Variants in CADM2 observed in about 807,000 individuals in gnomAD.
The protein encoded by CADM2 is cell adhesion molecule 2, also known as immunoglobulin superfamily member 4D.
A neutral mutation model predicts 49.8 loss-of-function variants in CADM2; 12 were observed. The observed-to-expected ratio is 0.24, with a 90% CI of 0.15 to 0.39. The LOEUF is 0.39. CADM2 is among the 10% of genes least tolerant of loss of function. The pLI is 1.00. For synonymous variants in CADM2, 214 were observed against 175.4 expected, an observed-to-expected ratio of 1.22 and a Z score of -1.74; for missense variants, 378 against 492.3, an observed-to-expected ratio of 0.77 and a Z score of 2.20.
intron 1 of CADM2, among the ~76,000 whole-genome samples, chr3:85,081,013 T>C (rs1029738461): frequency 6.6e-6 from 1 of 152,154 alleles, no homozygotes; most frequent in Non-Finnish European, 1.5e-5. Context: ...GGAATCTGAG[T>C]CAGTACCCAC....
At chr3:85,486,312 A>G (rs951851354) in intron 1 of CADM2, among the ~76,000 whole-genome samples, 1 of 74,942 alleles carries the variant, frequency 1.3e-5, no homozygotes, top group African/African-American at 3.2e-5. Context: ...GGGGAACAAT[A>G]GAAATAGAAA....
chr3:85,759,194 A>AT (rs2069257950), intron 2 of CADM2, among the ~76,000 whole-genome samples: 1 of 152,042 alleles, frequency 6.6e-6, no homozygotes, highest in Admixed American at 6.6e-5. Context: ...CTTACCAGAG[A>AT]ATAAAAGACA....
Position 85,585,191 on chromosome 3 carries a change from T to C in CADM2, c.62-141331T>C, listed in dbSNP as rs540870077. ...TCTGTTGAAACCACCTGGCCATAAG[T>C]CACTCAGTAGCTGTCTTGTTATCAG... On this transcript the variant is annotated intron_variant, in intron 1 of 9. Coordinates refer to ENST00000383699, the MANE Select transcript of CADM2 (RefSeq NM_001167675.2). 5.1e-4 allele frequency among the ~76,000 whole-genome samples: 77 copies of C among 152,058 alleles called. 1 individual carries two copies. The highest frequency in any genetic ancestry group is 1.7e-3 in the African/African-American group (70 of 41,506).
chr3:86,035,307 T>G (rs1407391735), intron 8 of CADM2, among the ~76,000 whole-genome samples: 1 of 150,578 alleles, frequency 6.6e-6, no homozygotes, highest in Non-Finnish European at 1.5e-5. Flanking sequence ...AGTATTCTAT[T>G]TCTCCTTTTC....
intron 9 of CADM2, among the ~76,000 whole-genome samples, chr3:86,066,332 CAAAAAAAAAAAAA>C (rs10663610): frequency 3.3e-5 from 1 of 30,360 alleles, no homozygotes; most frequent in South Asian, 2.4e-3. Flanking sequence ...GACTCCGTCT[CAAAAAAAAAAAAA>C]AAAAAAAAAA....
At chr3:85,321,004 A>G (rs373404366) in intron 1 of CADM2, among the ~76,000 whole-genome samples, 387 of 148,408 alleles carry the variant, frequency 2.6e-3, no homozygotes, top group African/African-American at 8.2e-3. Context: ...AAGTTGTAAG[A>G]TGATAAGACA....
At chr3:85,954,133 C>T (rs1265374289) in intron 7 of CADM2, among the ~76,000 whole-genome samples, 1 of 150,470 alleles carries the variant, frequency 6.6e-6, no homozygotes, top group African/African-American at 2.4e-5. Context: ...AAATCAATAC[C>T]AAGAATAAAA....
chr3:84,971,595 CTAATT>C (rs66579362), intron 1 of CADM2, among the ~76,000 whole-genome samples: 52,536 of 151,414 alleles, frequency 0.35, 9,274 homozygotes, highest in Non-Finnish European at 0.37. Flanking sequence ...GTGGAAGTCA[CTAATT>C]TATTTTAAAC....
At chr3:85,142,303 A>T (rs2107630038) in intron 1 of CADM2, among the ~76,000 whole-genome samples, 1 of 152,322 alleles carries the variant, frequency 6.6e-6, no homozygotes. Flanking sequence ...ATAGTTTTCT[A>T]ATCAAATTAA....
chr3:85,799,541 G>A (rs940834641), intron 2 of CADM2, among the ~76,000 whole-genome samples: 1 of 152,158 alleles, frequency 6.6e-6, no homozygotes, highest in Non-Finnish European at 1.5e-5. Flanking sequence ...TGTGGTTTTT[G>A]TCATTGGTTC....
intron 1 of CADM2, among the ~76,000 whole-genome samples, chr3:85,540,952 G>T (rs1341838557): frequency 6.6e-6 from 1 of 151,842 alleles, no homozygotes; most frequent in Non-Finnish European, 1.5e-5. Context: ...TTGCCGTATT[G>T]GATCAGGGTC....
chr3:85,383,383 A>C (rs1336002959), intron 1 of CADM2, among the ~76,000 whole-genome samples: 2 of 152,000 alleles, frequency 1.3e-5, no homozygotes, highest in South Asian at 2.1e-4. Flanking sequence ...GAAATTAGAT[A>C]ATTTCATTAG....
At chr3:85,135,535 T>C (rs2039391213) in intron 1 of CADM2, among the ~76,000 whole-genome samples, 1 of 152,094 alleles carries the variant, frequency 6.6e-6, no homozygotes, top group Non-Finnish European at 1.5e-5. Context: ...ATAGTACTCA[T>C]CATTGTAATC....
chr3:85,146,724 T>C (rs188387809), intron 1 of CADM2, among the ~76,000 whole-genome samples: 1 of 152,306 alleles, frequency 6.6e-6, no homozygotes, highest in East Asian at 1.9e-4. Flanking sequence ...AGACAGCCTA[T>C]GTGGGATTTT....
chr3:85,309,463 A>G (rs1374942349), intron 1 of CADM2, among the ~76,000 whole-genome samples: 7 of 152,134 alleles, frequency 4.6e-5, no homozygotes. Context: ...GAAAATGGAC[A>G]TGATGTGAAA....
At chr3:85,015,468 C>T (rs2034212072) in intron 1 of CADM2, among the ~76,000 whole-genome samples, 1 of 152,136 alleles carries the variant, frequency 6.6e-6, no homozygotes, top group Admixed American at 6.6e-5. Context: ...GACAGTTTGG[C>T]AATTCAATTG....
intron 1 of CADM2, among the ~76,000 whole-genome samples, chr3:85,358,444 G>A (rs2032056162): frequency 6.6e-6 from 1 of 152,096 alleles, no homozygotes; most frequent in South Asian, 2.1e-4. Flanking sequence ...CAAGTAGCCT[G>A]TGGCTCAGAG....
At chr3:85,147,603 A>G (rs1398859954) in intron 1 of CADM2, among the ~76,000 whole-genome samples, 2 of 152,134 alleles carry the variant, frequency 1.3e-5, no homozygotes, top group African/African-American at 2.4e-5. Context: ...TTTCTTAATC[A>G]TGCAATTTCT....
At chr3:85,037,104 A>G (rs1233012127) in intron 1 of CADM2, among the ~76,000 whole-genome samples, 1 of 151,978 alleles carries the variant, frequency 6.6e-6, no homozygotes, top group Non-Finnish European at 1.5e-5. Flanking sequence ...TGGGAGGCAG[A>G]GGTTGCAGTG....
Sources: allele counts gnomAD v4.1 joint callset (sites outside exome capture counted in the v4.1 genomes callset), GRCh38; gene constraint gnomAD v4.1.1; transcripts MANE v1.5; gene names NCBI Gene and HGNC (gene_info 2026-07-23, HGNC 2026-07-21).